IL1R2: variants seen among roughly 807,000 people sequenced by gnomAD.
The protein encoded by IL1R2 is interleukin 1 receptor type 2, also known as interleukin-1 receptor type 2.
Under a neutral mutation model 39.5 loss-of-function variants are expected in IL1R2, and 46 were observed. That is an observed-to-expected ratio of 1.16 (90% CI 0.92 to 1.49). IL1R2 has a LOEUF of 1.49. Ranked by LOEUF, IL1R2 falls within the 40% of genes most tolerant of loss-of-function variation. IL1R2 has a pLI of 0.00. For missense variants in IL1R2, 537 were observed against 502.0 expected (o/e 1.07, Z -0.67); for synonymous variants, 207 against 189.6 (o/e 1.09, Z -0.75).
intron 5 of IL1R2, among the ~76,000 whole-genome samples, chr2:102,021,416 A>G (rs1677391420): frequency 6.6e-6 from 1 of 151,198 alleles, no homozygotes; most frequent in South Asian, 2.1e-4. Flanking sequence ...CCCGGGTTCA[A>G]GCGATTATCC....
chr2:102,021,245 A>AC (rs1250138339), intron 5 of IL1R2, among the ~76,000 whole-genome samples: 14 of 124,804 alleles, frequency 1.1e-4, no homozygotes, highest in African/African-American at 4.3e-4. Context: ...CACAGCCCTC[A>AC]CCCCCCAGGT....
rs762615358 is a variant in IL1R2 at position 102,009,727 on chromosome 2, TC to T, written c.236del (p.Pro79GlnfsTer64). Reference protein sequence around the residue: ...TWHKNDSARTVPGEEETRMWA... With the variant: ...TWHKNDSARTXPGEEETRMWA... ...CATAAAAATGACTCTGCTAGGACGG[TC>T]CCAGGAGAAGAAGAGACACGGATGT... On this transcript the variant is annotated frameshift_variant, in exon 3 of 9. Coordinates refer to ENST00000332549, the MANE Select transcript of IL1R2 (RefSeq NM_004633.4). LOFTEE classifies it high-confidence loss of function. The T allele has an allele frequency of 4.3e-6, 7 of 1,614,006 alleles. No homozygotes were observed. The highest frequency in any genetic ancestry group is 5.9e-6 in the Non-Finnish European group (7 of 1,180,026).
At chr2:102,026,838 C>G (rs377312235) in intron 8 of IL1R2, among the ~76,000 whole-genome samples, 138 of 152,324 alleles carry the variant, frequency 9.1e-4, no homozygotes, top group African/African-American at 3.1e-3. Flanking sequence ...GGAGGGAGAG[C>G]TGCCTTGAAT....
At position 102,013,225 on chromosome 2, in the gene IL1R2, T is replaced by G. The variant is rs560770228; in HGVS notation, c.333-2646T>G. 3.9e-3 allele frequency among the ~76,000 whole-genome samples: 594 copies of G among 152,264 alleles called. 3 individuals carry two copies. Among genetic ancestry groups the G allele is most frequent in the Non-Finnish European group, 6.9e-3 (468 of 68,018 alleles). On this transcript the variant is annotated intron_variant, in intron 3 of 8. Transcript: ENST00000332549. ...GGAAATCCCAGTGTATGTCAAACTT[T>G]CTTTGCATGATGGGAAGGTTTACCT...
chr2:101,999,737 A>T (rs2150419877), intron 1 of IL1R2, among the ~76,000 whole-genome samples: 1 of 152,322 alleles, frequency 6.6e-6, no homozygotes, highest in East Asian at 1.9e-4. Context: ...TGAAGACAGG[A>T]ACCCAGTTCC....
At chr2:102,019,295 T>C (rs1049017151) in intron 4 of IL1R2, among the ~76,000 whole-genome samples, 3 of 152,244 alleles carry the variant, frequency 2.0e-5, no homozygotes, top group African/African-American at 7.2e-5. Flanking sequence ...TCTTCCCAGA[T>C]ACTTCCTAAG....
chr2:102,010,126 C>T, intron 3 of IL1R2: 1 of 400,488 alleles, frequency 2.5e-6, no homozygotes, highest in Middle Eastern at 7.1e-4. Context: ...AAGATTTTCC[C>T]ATCTGACACA....
chr2:102,026,000 C>A (rs887449095), intron 7 of IL1R2, 111 bp from the exon 8 acceptor site: 2 of 818,460 alleles, frequency 2.4e-6, no homozygotes, highest in Non-Finnish European at 3.8e-6. Flanking sequence ...AACTTGAAAA[C>A]AATAAAAGCG....
intron 2 of IL1R2, 128 bp from the exon 3 acceptor site, chr2:102,009,434 A>C: frequency 9.6e-7 from 1 of 1,041,858 alleles, no homozygotes; most frequent in Non-Finnish European, 1.4e-6. Flanking sequence ...TTAGGGACAA[A>C]TGACATCTTT....
chr2:102,018,076 G>A (rs561987929), intron 4 of IL1R2, among the ~76,000 whole-genome samples: 1 of 152,262 alleles, frequency 6.6e-6, no homozygotes, highest in South Asian at 2.1e-4. Flanking sequence ...GAATAAGCTG[G>A]CTGAGCTCTA....
chr2:102,008,437 C>G (rs1204009915), intron 1 of IL1R2, 78 bp from the exon 2 acceptor site: 5 of 709,272 alleles, frequency 7.0e-6, no homozygotes, highest in South Asian at 6.5e-5. Context: ...GCTTCCAGAC[C>G]CTGCCCCTAC....
At chr2:102,013,099 TGC>T (rs1253026928) in intron 3 of IL1R2, among the ~76,000 whole-genome samples, 1 of 152,152 alleles carries the variant, frequency 6.6e-6, no homozygotes, top group Non-Finnish European at 1.5e-5. Flanking sequence ...AGTGAGACTG[TGC>T]AAAAATCAGG....
At chr2:102,015,816 T>C in intron 3 of IL1R2, 55 bp from the exon 4 acceptor site, 1 of 1,366,256 alleles carries the variant, frequency 7.3e-7, no homozygotes, top group Non-Finnish European at 1.0e-6. Context: ...TAATTTCATT[T>C]AGCTTTACTT....
At chr2:102,026,356 T>A in intron 8 of IL1R2, 103 bp downstream of exon 8, 1 of 957,306 alleles carries the variant, frequency 1.0e-6, no homozygotes, top group Non-Finnish European at 1.5e-6. Context: ...CCATAGAAAT[T>A]CCCTTGCATT....
intron 1 of IL1R2, among the ~76,000 whole-genome samples, chr2:102,001,099 G>A (rs183880820): frequency 2.0e-5 from 3 of 152,288 alleles, no homozygotes; most frequent in East Asian, 3.9e-4. Context: ...AGTGTTTGTT[G>A]ATGGTCCAGC....
chr2:102,022,113 C>T (rs1006077044), intron 5 of IL1R2, 74 bp from the exon 6 acceptor site: 17 of 1,257,526 alleles, frequency 1.4e-5, no homozygotes, highest in South Asian at 7.2e-5. Context: ...GTTGATTAGC[C>T]AAACAATGAC....
chr2:102,001,078 C>A (rs1675833453), intron 1 of IL1R2, among the ~76,000 whole-genome samples: 1 of 152,130 alleles, frequency 6.6e-6, no homozygotes, highest in South Asian at 2.1e-4. Flanking sequence ...ATGCAGGAGG[C>A]AGGTGAAGCA....
intron 1 of IL1R2, among the ~76,000 whole-genome samples, chr2:101,992,813 G>A (rs1269551185): frequency 6.6e-6 from 1 of 152,172 alleles, no homozygotes; most frequent in African/African-American, 2.4e-5. Context: ...TCCATTTCTG[G>A]TGGAGGCTCA....
At chr2:102,010,152 G>A in intron 3 of IL1R2, 1 of 318,224 alleles carries the variant, frequency 3.1e-6, no homozygotes, top group Non-Finnish European at 5.9e-6. Flanking sequence ...GTGCGCTACT[G>A]TATTTAATGT....
Sources: allele counts gnomAD v4.1 joint callset (sites outside exome capture counted in the v4.1 genomes callset), GRCh38; gene constraint gnomAD v4.1.1; transcripts MANE v1.5; gene names NCBI Gene and HGNC (gene_info 2026-07-23, HGNC 2026-07-21).